NOX4: variants seen among roughly 807,000 people sequenced by gnomAD.
NOX4 encodes kidney oxidase-1.
In NOX4, 69 loss-of-function variants were observed where a neutral mutation model predicts 87.6. The observed-to-expected ratio is 0.79, with a 90% CI of 0.65 to 0.96. The LOEUF is 0.96. Ranked by LOEUF, NOX4 falls within the 40% of genes least tolerant of loss-of-function variation. The pLI, the probability that NOX4 is intolerant of heterozygous loss-of-function variation, is 0.00. For synonymous variants in NOX4, 275 were observed against 238.2 expected (o/e 1.15, Z -1.42); for missense variants, 680 against 681.5 (o/e 1.00, Z 0.02).
intron 12 of NOX4, among the ~76,000 whole-genome samples, chr11:89,356,412 A>T (rs12417349): frequency 7.5e-6 from 1 of 133,586 alleles, no homozygotes; most frequent in Admixed American, 7.4e-5. Context: ...TAGGAGGGGG[A>T]GGGGAAGAGG....
chr11:89,570,133 G>T, the NOX4 span, among the ~76,000 whole-genome samples: 1 of 152,194 alleles, frequency 6.6e-6, no homozygotes, highest in Non-Finnish European at 1.5e-5. Flanking sequence ...ACTGGATAAA[G>T]GAAATGTGGT....
chr11:89,518,959 G>T, the NOX4 span, among the ~76,000 whole-genome samples: 2 of 151,992 alleles, frequency 1.3e-5, no homozygotes, highest in Non-Finnish European at 2.9e-5. Flanking sequence ...AGATGGTAAA[G>T]AATATTTTGT....
At chr11:89,350,737 T>G (rs1946420697) in intron 13 of NOX4, among the ~76,000 whole-genome samples, 1 of 152,216 alleles carries the variant, frequency 6.6e-6, no homozygotes, top group East Asian at 1.9e-4. Context: ...TTACAGAATT[T>G]TTTTTATGTT....
chr11:89,484,397 G>A (rs1456743428), intron 2 of NOX4, among the ~76,000 whole-genome samples: 1 of 152,018 alleles, frequency 6.6e-6, no homozygotes, highest in East Asian at 1.9e-4. Flanking sequence ...ATTTTATTTT[G>A]AGAGTAAATC....
At chr11:89,527,134 T>A in the NOX4 span, among the ~76,000 whole-genome samples, 1 of 152,192 alleles carries the variant, frequency 6.6e-6, no homozygotes, top group Non-Finnish European at 1.5e-5. Flanking sequence ...TAGAAATATG[T>A]GGAACTTAGA....
At chr11:89,396,571 C>T (rs1941501778) in intron 11 of NOX4, among the ~76,000 whole-genome samples, 1 of 152,026 alleles carries the variant, frequency 6.6e-6, no homozygotes, top group South Asian at 2.1e-4. Flanking sequence ...ATTCAGGAAA[C>T]CCATCTCACG....
intron 7 of NOX4, among the ~76,000 whole-genome samples, chr11:89,429,752 C>A (rs911826707): frequency 1.3e-5 from 2 of 152,108 alleles, no homozygotes; most frequent in Non-Finnish European, 2.9e-5. Flanking sequence ...CAGATGGATT[C>A]ACAGCCGAAT....
At chr11:89,564,133 C>T in the NOX4 span, among the ~76,000 whole-genome samples, 1 of 152,078 alleles carries the variant, frequency 6.6e-6, no homozygotes. Flanking sequence ...ATAGAATGCA[C>T]CGCATGTTTC....
chr11:89,537,525 A>G, the NOX4 span, among the ~76,000 whole-genome samples: 2 of 152,040 alleles, frequency 1.3e-5, no homozygotes, highest in East Asian at 3.9e-4. Context: ...AAAAACAGAC[A>G]TATTTCATTT....
chr11:89,512,143 A>G, the NOX4 span, among the ~76,000 whole-genome samples: 2 of 152,184 alleles, frequency 1.3e-5, no homozygotes, highest in South Asian at 4.1e-4. Context: ...AGTGTTACTG[A>G]TATTTAATGT....
At chr11:89,399,793 G>A (rs1164454900) in intron 11 of NOX4, among the ~76,000 whole-genome samples, 1 of 151,598 alleles carries the variant, frequency 6.6e-6, no homozygotes, top group Non-Finnish European at 1.5e-5. Context: ...GCTTTAATAC[G>A]TTTTAATTCA....
chr11:89,530,222 T>C, the NOX4 span, among the ~76,000 whole-genome samples: 3 of 151,236 alleles, frequency 2.0e-5, no homozygotes, highest in Non-Finnish European at 4.4e-5. Context: ...GTAAGTACTG[T>C]CAACATACTA....
intron 7 of NOX4, among the ~76,000 whole-genome samples, chr11:89,423,098 CT>C (rs941742210): frequency 6.6e-6 from 1 of 151,918 alleles, no homozygotes; most frequent in African/African-American, 2.4e-5. Flanking sequence ...ATGCTTGGCC[CT>C]CTGATCCTTC....
At chr11:89,586,136 T>G in the NOX4 span, among the ~76,000 whole-genome samples, 1 of 152,008 alleles carries the variant, frequency 6.6e-6, no homozygotes, top group African/African-American at 2.4e-5. Context: ...CTCCTTTTAT[T>G]CCAGTTATTC....
chr11:89,418,450 AATAATAATAAT>A (rs1555021531), intron 8 of NOX4, among the ~76,000 whole-genome samples: 2 of 145,194 alleles, frequency 1.4e-5, no homozygotes, highest in South Asian at 4.2e-4. Flanking sequence ...TAATAATAAT[AATAATAATAAT>A]AAATTTACAG....
chr11:89,565,344 T>C, the NOX4 span, among the ~76,000 whole-genome samples: 1 of 152,164 alleles, frequency 6.6e-6, no homozygotes, highest in Non-Finnish European at 1.5e-5. Flanking sequence ...ATGTATTACC[T>C]TGCACCAACA....
intron 6 of NOX4, among the ~76,000 whole-genome samples, chr11:89,439,506 C>A (rs992415914): frequency 2.6e-5 from 4 of 152,022 alleles, no homozygotes; most frequent in African/African-American, 7.2e-5. Context: ...ATTATTGTGA[C>A]GTTTCATCAT....
chr11:89,520,015 A>C, the NOX4 span, among the ~76,000 whole-genome samples: 1 of 152,028 alleles, frequency 6.6e-6, no homozygotes, highest in African/African-American at 2.4e-5. Context: ...ACTTGGACCA[A>C]TTACTATGAA....
At chr11:89,361,927 C>T (rs1298191416) in intron 12 of NOX4, among the ~76,000 whole-genome samples, 3 of 152,008 alleles carry the variant, frequency 2.0e-5, no homozygotes, top group Admixed American at 6.6e-5. Flanking sequence ...CAGGGTCGGC[C>T]TCAGATGCAA....
Sources: gnomAD v4.1 joint callset for allele counts (sites outside exome capture counted in the v4.1 genomes callset) on GRCh38, gnomAD v4.1.1 for gene constraint, MANE v1.5 for transcripts, NCBI Gene and HGNC (gene_info 2026-07-23, HGNC 2026-07-21) for gene names.